The following TRPM3 variants were observed in gnomAD, a reference collection of about 807,000 sequenced individuals.
The protein encoded by TRPM3 is transient receptor potential cation channel subfamily M member 3.
A neutral mutation model predicts 181.2 loss-of-function variants in TRPM3; 77 were observed. The observed-to-expected ratio is 0.42, with a 90% CI of 0.35 to 0.51. The LOEUF (loss-of-function observed/expected upper bound fraction) is 0.51, where lower values mean the gene tolerates loss of function less well. Among genes scored for constraint, TRPM3 ranks in the 20% least tolerant of loss-of-function variants. TRPM3 has a pLI of 0.01. For synonymous variants in TRPM3, 745 were observed against 796.4 expected, an observed-to-expected ratio of 0.94 and a Z score of 1.09; for missense variants, 1,759 against 2,196.7, an observed-to-expected ratio of 0.80 and a Z score of 3.98.
rs969774057 is a variant in TRPM3 at position 71,052,534 on chromosome 9, T to C, written c.177+68644A>G. On this transcript the variant is annotated intron_variant, in intron 1 of 25. Coordinates refer to ENST00000677713, the MANE Select transcript of TRPM3 (RefSeq NM_001366145.2). The stretch of plus-strand genomic sequence containing the variant: ...CAGAAGTGGTGGCATGAGTGCTGCA[T>C]GTTTCATGACGTTTGCTCTATCTAC... Among the ~76,000 whole-genome samples, 6 of 152,298 alleles carry C rather than the reference T, an allele frequency of 3.9e-5. 1 individual carries two copies. The highest frequency in any genetic ancestry group is 2.6e-4 in the Admixed American group (4 of 15,296).
intron 1 of TRPM3, among the ~76,000 whole-genome samples, chr9:71,317,691 ACACGCG>A (rs1051066454): frequency 6.6e-6 from 1 of 151,562 alleles, no homozygotes; most frequent in African/African-American, 2.4e-5. Flanking sequence ...ACACACACAC[ACACGCG>A]CACACGCGCG....
intron 1 of TRPM3, among the ~76,000 whole-genome samples, chr9:70,877,973 C>A (rs1037995349): frequency 6.6e-6 from 1 of 151,886 alleles, no homozygotes; most frequent in South Asian, 2.1e-4. Context: ...TTTGTTTGAA[C>A]AATTATTTTT....
intron 1 of TRPM3, among the ~76,000 whole-genome samples, chr9:71,065,943 T>C (rs1349863582): frequency 1.3e-5 from 2 of 151,966 alleles, no homozygotes; most frequent in Non-Finnish European, 2.9e-5. Flanking sequence ...AGATCAAAAA[T>C]CCAACAAATG....
intron 6 of TRPM3, chr9:70,810,143 C>T: frequency 1.9e-6 from 1 of 525,058 alleles, no homozygotes; most frequent in Admixed American, 2.0e-5. Flanking sequence ...CTTTCCATCA[C>T]CCTGTCCTAT....
intron 1 of TRPM3, among the ~76,000 whole-genome samples, chr9:71,428,069 CTGTT>C (rs2093896323): frequency 6.6e-6 from 1 of 152,010 alleles, no homozygotes; most frequent in East Asian, 1.9e-4. Context: ...ATCCAGTAGC[CTGTT>C]TTTTTGTTGT....
At chr9:71,022,804 C>G (rs1026424234) in intron 1 of TRPM3, among the ~76,000 whole-genome samples, 3 of 151,986 alleles carry the variant, frequency 2.0e-5, no homozygotes, top group African/African-American at 4.8e-5. Flanking sequence ...CCTGTACGTT[C>G]TGCACATGTA....
intron 7 of TRPM3, among the ~76,000 whole-genome samples, chr9:70,777,990 CAG>C (rs869045304): frequency 0.012 from 1,126 of 90,876 alleles, 12 homozygotes; most frequent in Non-Finnish European, 0.016. Context: ...TTAACAGACA[CAG>C]ACACACACAC....
intron 22 of TRPM3, among the ~76,000 whole-genome samples, chr9:70,577,482 T>G (rs1033897518): frequency 6.6e-6 from 1 of 152,244 alleles, no homozygotes; most frequent in Admixed American, 6.5e-5. Context: ...GTGTATCATG[T>G]GCCTGGCCTG....
At chr9:70,842,258 T>C (rs1471923994) in intron 5 of TRPM3, among the ~76,000 whole-genome samples, 1 of 152,130 alleles carries the variant, frequency 6.6e-6, no homozygotes, top group East Asian at 1.9e-4. Flanking sequence ...CAGGGTCAAA[T>C]GGATCCTACC....
chr9:70,940,047 A>G lies in TRPM3; in HGVS notation c.178-75536T>C, dbSNP rs536885778. On this transcript the variant is annotated intron_variant, in intron 1 of 25. Coordinates refer to ENST00000677713, the MANE Select transcript of TRPM3 (RefSeq NM_001366145.2). ...GTTTGGGTGGCTTTAACCACCTTGT[A>G]GTGAGCTTAGGGTTCCTGCAGGTGC... Among the ~76,000 whole-genome samples the G allele has an allele frequency of 1.1e-4, 17 of 152,316 alleles. No homozygotes were observed. In the East Asian group the frequency reaches 2.1e-3, roughly 19 times the overall value.
At chr9:70,685,110 C>A in intron 8 of TRPM3, among the ~76,000 whole-genome samples, 1 of 152,076 alleles carries the variant, frequency 6.6e-6, no homozygotes, top group Non-Finnish European at 1.5e-5. Flanking sequence ...GATAATCGAG[C>A]ATTTCATCAA....
chr9:70,620,185 C>G lies in TRPM3; in HGVS notation c.2020G>C (p.Ala674Pro). ...ALFFWQHGEEAMAKALVACKL... is the reference protein window; with the variant it reads ...ALFFWQHGEEPMAKALVACKL... ...CAGGCCACCAGGGCCTTGGCCATGG[C>G]CTCCTCACCGTGCTGCCAGAAGAAC... The change falls in exon 16 of 26, where the codon GCC becomes CCC. Residue 674 changes from alanine to proline, a missense_variant. By Grantham distance (27) the Ala-to-Pro change is conservative. This residue lies in a region of TRPM3 where 737 missense variants were observed against 957.4 expected (regional missense o/e 0.77). Transcript: ENST00000677713. The G allele has an allele frequency of 6.2e-7, 1 of 1,614,238 alleles. No homozygotes were observed. Among genetic ancestry groups the G allele is most frequent in the Non-Finnish European group, 8.5e-7 (1 of 1,180,050 alleles).
intron 12 of TRPM3, among the ~76,000 whole-genome samples, chr9:70,629,640 T>C (rs1008644554): frequency 2.8e-4 from 42 of 152,192 alleles, no homozygotes; most frequent in Non-Finnish European, 2.4e-4. Flanking sequence ...ATAAAACATG[T>C]ATGGTATATA....
chr9:71,311,025 T>C (rs1012195770), intron 1 of TRPM3, among the ~76,000 whole-genome samples: 1 of 152,182 alleles, frequency 6.6e-6, no homozygotes, highest in Admixed American at 6.5e-5. Context: ...TTATAAGGAT[T>C]ATTCCAGAAT....
At chr9:71,024,620 C>T (rs1467136824) in intron 1 of TRPM3, among the ~76,000 whole-genome samples, 1 of 152,212 alleles carries the variant, frequency 6.6e-6, no homozygotes, top group Non-Finnish European at 1.5e-5. Context: ...GTTATCGAAA[C>T]TTCTCTATGC....
chr9:70,924,946 C>T (rs1437416648), intron 1 of TRPM3, among the ~76,000 whole-genome samples: 1 of 152,152 alleles, frequency 6.6e-6, no homozygotes, highest in East Asian at 1.9e-4. Flanking sequence ...AGATGATGAT[C>T]GCTGAACCTA....
intron 19 of TRPM3, among the ~76,000 whole-genome samples, chr9:70,603,814 T>C (rs1485753466): frequency 6.6e-6 from 1 of 152,190 alleles, no homozygotes; most frequent in African/African-American, 2.4e-5. Flanking sequence ...CGGCTCTTGC[T>C]CAGGCGTGGA....
At chr9:71,272,448 A>AGGTATT (rs2083877324) in intron 1 of TRPM3, among the ~76,000 whole-genome samples, 1 of 152,182 alleles carries the variant, frequency 6.6e-6, no homozygotes, top group African/African-American at 2.4e-5. Flanking sequence ...CAGAAATACC[A>AGGTATT]GGTATTGGTA....
chr9:70,802,952 C>T lies in TRPM3; in HGVS notation c.974-18673G>A, dbSNP rs2089540168. Among the ~76,000 whole-genome samples, 3 of 147,354 alleles carry T rather than the reference C, an allele frequency of 2.0e-5. No individual in the cohort carries two copies. The South Asian group carries it at 6.5e-4, about 32-fold the overall frequency. ...TCCTTCTTCTCATTTCAAAAGAGGC[C>T]ACTAGGGTGTCTATTCTCAGGAGAG... is the stretch of plus-strand genomic sequence containing the variant. On this transcript the variant is annotated intron_variant, in intron 6 of 25. Coordinates refer to ENST00000677713, the MANE Select transcript of TRPM3 (RefSeq NM_001366145.2).
Sources: allele counts gnomAD v4.1 joint callset (sites outside exome capture counted in the v4.1 genomes callset), GRCh38; gene constraint gnomAD v4.1.1; regional missense constraint gnomAD v4.1.1; transcripts MANE v1.5; gene names NCBI Gene and HGNC (gene_info 2026-07-23, HGNC 2026-07-21).